PTPN18: variants seen among roughly 807,000 people sequenced by gnomAD.
The protein encoded by PTPN18 is protein tyrosine phosphatase non-receptor type 18.
A neutral mutation model predicts 65.4 loss-of-function variants in PTPN18; 65 were observed. The observed-to-expected ratio is 0.99, with a 90% CI of 0.81 to 1.22. The LOEUF (loss-of-function observed/expected upper bound fraction) is 1.22, where lower values mean the gene tolerates loss of function less well. Among genes scored for constraint, PTPN18 ranks in the 50% most tolerant of loss-of-function variants. The pLI is 0.00. For missense variants in PTPN18, 616 were observed against 646.5 expected (o/e 0.95, Z 0.51); for synonymous variants, 255 against 267.8 (o/e 0.95, Z 0.47).
rs1013605239 is a variant in PTPN18, at chr2:130,373,312, C to T, written c.*88C>T. 1.1e-5 allele frequency: 14 copies of T among 1,284,014 alleles called. No individual in the cohort carries two copies. The highest frequency in any genetic ancestry group is 3.0e-5 in the Admixed American group (1 of 33,842). 79.5% of individuals were successfully genotyped at this position (1,284,014 alleles called of 1,614,324 possible). A position where few individuals can be genotyped will look rare whatever the true frequency, so the allele number is the denominator to read the frequency against. On this transcript the variant is annotated 3_prime_UTR_variant, in exon 15 of 15. Coordinates refer to ENST00000175756, the MANE Select transcript of PTPN18 (RefSeq NM_014369.4). This position sits in a 1 kb window ranked among gnomAD's most constrained non-coding sequence, Gnocchi z 4.1. ...CTGAGCGCCGTGCGCAGAATGGAAA[C>T]AGTGGGCCTGGATCAAAGTTAAAGT...
intron 5 of PTPN18, among the ~76,000 whole-genome samples, chr2:130,363,898 G>A (rs1275206372): frequency 6.6e-6 from 1 of 151,014 alleles, no homozygotes; most frequent in South Asian, 2.1e-4. Context: ...CATTTCCACG[G>A]CAATGTTTGA....
chr2:130,356,465 T>G (rs2104920188), intron 1 of PTPN18: 1 of 500,190 alleles, frequency 2.0e-6, no homozygotes. Flanking sequence ...GGTGTCCTCG[T>G]CGCGCTCCCG....
intron 12 of PTPN18, 110 bp from the exon 13 acceptor site, chr2:130,372,147 G>C: frequency 9.3e-7 from 1 of 1,079,286 alleles, no homozygotes; most frequent in Non-Finnish European, 1.3e-6. Context: ...CCCATCTAGC[G>C]CACCGCCTCG....
chr2:130,368,244 CT>C (rs1477371362), intron 5 of PTPN18, among the ~76,000 whole-genome samples: 1 of 152,168 alleles, frequency 6.6e-6, no homozygotes, highest in African/African-American at 2.4e-5. Context: ...ATGGGTCACA[CT>C]TTCCTGCTTC....
At position 130,366,433 on chromosome 2, in the gene PTPN18, A is replaced by C. The variant is rs537672230; in HGVS notation, c.415-2700A>C. Among the ~76,000 whole-genome samples, 19 of 152,302 alleles carry C rather than the reference A, an allele frequency of 1.2e-4. 1 individual carries two copies. The South Asian group carries it at 3.9e-3, about 32-fold the overall frequency. On this transcript the variant is annotated intron_variant, in intron 5 of 14. Transcript: ENST00000175756. ...TCTACTAATATGGTGTATGACATTGACTTTCATATGTTGAACCAATCTTGC... is the reference window on the plus strand; with the variant it reads ...TCTACTAATATGGTGTATGACATTGCCTTTCATATGTTGAACCAATCTTGC...
chr2:130,362,733 C>T (rs1680257833), intron 5 of PTPN18, among the ~76,000 whole-genome samples: 1 of 152,156 alleles, frequency 6.6e-6, no homozygotes, highest in African/African-American at 2.4e-5. Context: ...TATTGATATA[C>T]AATTCAGTCA....
rs369814810 is a variant in PTPN18 at position 130,372,884 on chromosome 2, C to T, written c.1252C>T (p.Gln418Ter). 2 of 1,614,070 alleles carry T rather than the reference C, an allele frequency of 1.2e-6. No individual in the cohort carries two copies. The highest frequency in any genetic ancestry group is 1.7e-5 in the Admixed American group (1 of 60,016). The change falls in exon 14 of 15, where the codon CAA (glutamine) becomes TAA (stop). Residue 418 changes from glutamine to a stop codon, truncating the protein, a stop_gained. Coordinates refer to ENST00000175756, the MANE Select transcript of PTPN18 (RefSeq NM_014369.4). LOFTEE classifies it high-confidence loss of function. ...TCTGCTGCCCTCAGTTCCTGCTGAC[C>T]AAAGTCCTGCCGGATCTGGCGCCTA... Reference protein sequence around the residue: ...GTLPGRVPADQSPAGSGAYED... With the variant: ...GTLPGRVPAD
intron 6 of PTPN18, among the ~76,000 whole-genome samples, chr2:130,369,484 A>G (rs888210732): frequency 6.6e-6 from 1 of 152,234 alleles, no homozygotes; most frequent in Non-Finnish European, 1.5e-5. Flanking sequence ...TCATACATAC[A>G]GTTAGTACTT....
chr2:130,364,345 A>C (rs747062074), intron 5 of PTPN18, among the ~76,000 whole-genome samples: 6 of 152,120 alleles, frequency 3.9e-5, no homozygotes, highest in Non-Finnish European at 8.8e-5. Flanking sequence ...TCCTTTTTTC[A>C]AGGTTCATCC....
intron 5 of PTPN18, among the ~76,000 whole-genome samples, chr2:130,367,104 T>C: frequency 7.2e-6 from 1 of 139,682 alleles, no homozygotes; most frequent in East Asian, 2.3e-4. Context: ...TTGCTCAGGC[T>C]GGTGTTGAAG....
chr2:130,373,494 G>T lies in PTPN18; in HGVS notation c.*270G>T. On this transcript the variant is annotated 3_prime_UTR_variant, in exon 15 of 15. Transcript: ENST00000175756. This position sits in a 1 kb window ranked among gnomAD's most constrained non-coding sequence, Gnocchi z 4.1. ...GGGGCATGACCCCTGAGTTATGAAG[G>T]GGAGAAGGGACAGATGAGCTTCCGG... is the stretch of plus-strand genomic sequence containing the variant. The T allele has an allele frequency of 2.9e-6, 1 of 342,328 alleles. No individual in the cohort carries two copies. Among genetic ancestry groups the T allele is most frequent in the East Asian group, 5.0e-5 (1 of 20,096 alleles). The allele number at this position is 342,328 out of a possible 1,614,324, so 21.2% of individuals were successfully genotyped here.
chr2:130,362,965 G>T (rs1026805808), intron 5 of PTPN18, among the ~76,000 whole-genome samples: 1 of 151,830 alleles, frequency 6.6e-6, no homozygotes, highest in African/African-American at 2.4e-5. Flanking sequence ...GACTACAGGC[G>T]CCTGCCACCA....
intron 8 of PTPN18, 140 bp downstream of exon 8, chr2:130,370,330 GAGCACTTGTTC>G: frequency 5.3e-6 from 7 of 1,329,106 alleles, no homozygotes; most frequent in Non-Finnish European, 7.3e-6. Context: ...CTGTAATTGT[GAGCACTTGTTC>G]AGCACAGACT....
intron 5 of PTPN18, among the ~76,000 whole-genome samples, chr2:130,361,504 TTTTCTTTCTC>T (rs1305992044): frequency 2.1e-5 from 3 of 141,172 alleles, no homozygotes; most frequent in Non-Finnish European, 4.4e-5. Flanking sequence ...AATTTCTTTC[TTTTCTTTCTC>T]TTTCTTTCTT....
chr2:130,369,477 T>C (rs73960317), intron 6 of PTPN18, among the ~76,000 whole-genome samples: 5,480 of 152,300 alleles, frequency 0.036, 317 homozygotes, highest in African/African-American at 0.12. Context: ...TCTCAAGTCA[T>C]ACATACAGTT....
chr2:130,359,974 G>A, intron 5 of PTPN18: 1 of 345,262 alleles, frequency 2.9e-6, no homozygotes, highest in Non-Finnish European at 5.4e-6. Context: ...GGTCTCTGCT[G>A]TTCCCATGTT....
In PTPN18 at chr2:130,370,584, G is replaced by A. The variant is rs568012132; in HGVS notation, c.717G>A (p.Leu239=). ...CSAGCGRTGV[L]CTVDYVRQLL... ...CGGGTTGTGGGCGAACAGGCGTCCT[G>A]TGCACCGTGGATTATGTGAGGCAGC... Residue 239 remains leucine, a synonymous_variant, in exon 9 of 15, where the codon CTG becomes CTA. Transcript: ENST00000175756. 8.8e-5 allele frequency: 142 copies of A among 1,614,122 alleles called. No homozygotes were observed. The South Asian group carries it at 1.4e-3, about 16-fold the overall frequency.
chr2:130,365,825 A>G (rs191707665), intron 5 of PTPN18, among the ~76,000 whole-genome samples: 2 of 152,364 alleles, frequency 1.3e-5, no homozygotes, highest in South Asian at 2.1e-4. Context: ...TGAAAAGACT[A>G]TGCTTTGCCC....
intron 5 of PTPN18, 93 bp from the exon 6 acceptor site, chr2:130,369,040 C>T (rs528782454): frequency 1.6e-5 from 17 of 1,086,174 alleles, no homozygotes; most frequent in East Asian, 4.9e-5. Context: ...GCTTCCACCA[C>T]GAGCACCTGG....
Sources: allele counts gnomAD v4.1 joint callset (sites outside exome capture counted in the v4.1 genomes callset), GRCh38; gene constraint gnomAD v4.1.1; non-coding constraint Gnocchi (gnomAD v3.1); transcripts MANE v1.5; gene names NCBI Gene and HGNC (gene_info 2026-07-23, HGNC 2026-07-21).